QSOX2: variants seen among roughly 807,000 people sequenced by gnomAD.
The protein encoded by QSOX2 is sulfhydryl oxidase 2.
QSOX2 carries 46 observed loss-of-function variants against 61.7 expected under a neutral mutation model. The ratio of observed to expected loss-of-function variants is 0.75; its 90% CI spans 0.59 to 0.95. The LOEUF is 0.95. Ranked by LOEUF, QSOX2 falls within the 40% of genes least tolerant of loss-of-function variation. The pLI is 0.00. For missense variants in QSOX2, 879 were observed against 918.9 expected (o/e 0.96, Z 0.56); for synonymous variants, 383 against 388.4 (o/e 0.99, Z 0.16).
chr9:136,228,295 T>C (rs535726233), intron 1 of QSOX2, among the ~76,000 whole-genome samples: 1 of 152,240 alleles, frequency 6.6e-6, no homozygotes, highest in South Asian at 2.1e-4. Context: ...CTGGGACAAT[T>C]CTGTAAAGAG....
chr9:136,237,432 C>T (rs1308236352), intron 1 of QSOX2, among the ~76,000 whole-genome samples: 4 of 140,694 alleles, frequency 2.8e-5, no homozygotes, highest in Admixed American at 7.1e-5. Context: ...ACCTGGAGCC[C>T]GTCCTGTGCC....
intron 1 of QSOX2, among the ~76,000 whole-genome samples, chr9:136,234,089 T>C (rs903883814): frequency 5.9e-5 from 9 of 151,876 alleles, no homozygotes; most frequent in African/African-American, 2.2e-4. Flanking sequence ...GACAAAGGCC[T>C]TCACGAGGCT....
rs190318142 is a variant in QSOX2 at position 136,214,491 on chromosome 9, C to T, written c.1360+663G>A. On this transcript the variant is annotated intron_variant, in intron 10 of 11. Transcript: ENST00000358701. ...GCTTGCTGCCATGATGTGAGCCGCC[C>T]GATGGAGAGGCCCTGAGCGTGGCCT... 1.9e-3 allele frequency among the ~76,000 whole-genome samples: 287 copies of T among 152,344 alleles called. 3 individuals are homozygous for T. The highest frequency in any genetic ancestry group is 9.6e-3 in the East Asian group (50 of 5,182).
rs1431038170 is a variant in QSOX2, at chr9:136,222,490, C to T, written c.676-549G>A. Among the ~76,000 whole-genome samples, 1 of 152,232 alleles carries T rather than the reference C, an allele frequency of 6.6e-6. No homozygotes were observed. The highest frequency in any genetic ancestry group is 2.4e-5 in the African/African-American group (1 of 41,460). On this transcript the variant is annotated intron_variant, in intron 5 of 11. Coordinates refer to ENST00000358701, the MANE Select transcript of QSOX2 (RefSeq NM_181701.4). This position sits in a 1 kb window ranked among gnomAD's most constrained non-coding sequence, Gnocchi z 6.9. ...GTGCGCCACCACCACATCGGGCGTA[C>T]GTCTTTCCTTCTCTTAACAGAGGAA...
chr9:136,217,745 C>T (rs1030502287), intron 8 of QSOX2, among the ~76,000 whole-genome samples: 1 of 152,188 alleles, frequency 6.6e-6, no homozygotes, highest in Non-Finnish European at 1.5e-5. Flanking sequence ...TGGCCGGCGG[C>T]CACCACCACT....
At chr9:136,226,579 G>A (rs982503894) in intron 2 of QSOX2, among the ~76,000 whole-genome samples, 195 bp downstream of exon 2, 1 of 152,198 alleles carries the variant, frequency 6.6e-6, no homozygotes, top group Non-Finnish European at 1.5e-5. Flanking sequence ...CAGCACAACA[G>A]GGTGGAACAA....
chr9:136,212,312 G>A (rs1344732854), intron 10 of QSOX2, among the ~76,000 whole-genome samples: 1 of 152,192 alleles, frequency 6.6e-6, no homozygotes, highest in Non-Finnish European at 1.5e-5. Context: ...AGACCCATGA[G>A]ATTAAAACAG....
In QSOX2 at chr9:136,209,114, A is replaced by C. The variant is rs780792103; in HGVS notation, c.1711T>G (p.Tyr571Asp). 6.2e-7 allele frequency: 1 copy of C among 1,614,030 alleles called. No individual in the cohort carries two copies. Among genetic ancestry groups the C allele is most frequent in the Non-Finnish European group, 8.5e-7 (1 of 1,179,988 alleles). Reference sequence around the variant, plus strand: ...CTGGAATCCCCCTGGTCTGCGGAATACGTGTCTAAGAGGTTGTCGCGGCCA... The same window carrying C: ...CTGGAATCCCCCTGGTCTGCGGAATCCGTGTCTAAGAGGTTGTCGCGGCCA... ...HYGRDNLLDT[Y>D]SADQGDSSEG... Residue 571 changes from tyrosine to aspartate, a missense_variant, in exon 12 of 12, where the codon TAT becomes GAT. Transcript: ENST00000358701. This position sits in a 1 kb window ranked among gnomAD's most constrained non-coding sequence, Gnocchi z 5.6.
intron 8 of QSOX2, among the ~76,000 whole-genome samples, chr9:136,217,755 T>C (rs1448033150): frequency 6.6e-6 from 1 of 151,958 alleles, no homozygotes; most frequent in African/African-American, 2.4e-5. Flanking sequence ...CCACCACCAC[T>C]AAGAGCCACA....
Position 136,223,848 on chromosome 9 carries a change from C to T in QSOX2, c.590G>A (p.Ser197Asn). ...GTTGTCAAGAAGGGAAAGAACATCA[C>T]TGGGCCTTTCAAGAGGAAAAAAAGA... The part of the protein sequence containing the change: ...ACPRLDPIQP[S>N]DVLSLLDNRG... Residue 197 changes from serine (S) to asparagine (N), a missense_variant, in exon 5 of 12, where the codon AGT (serine) becomes AAT (asparagine). Ser to Asn is a conservative substitution (Grantham distance 46). Coordinates refer to ENST00000358701, the MANE Select transcript of QSOX2 (RefSeq NM_181701.4). The surrounding 1 kb of genome is among the most constrained non-coding windows in gnomAD (Gnocchi z 4.4). 2 of 1,614,058 alleles carry T rather than the reference C, an allele frequency of 1.2e-6. No homozygotes were observed. The highest frequency in any genetic ancestry group is 1.7e-6 in the Non-Finnish European group (2 of 1,180,000).
intron 1 of QSOX2, 59 bp downstream of exon 1, chr9:136,245,417 G>T: frequency 6.9e-7 from 1 of 1,444,552 alleles, no homozygotes; most frequent in South Asian, 1.2e-5. Flanking sequence ...GGTCGCAAGG[G>T]GTCCCGGAAG....
rs1461685250 is a variant in QSOX2, at chr9:136,209,305, A to C, written c.1550-30T>G. 6.3e-7 allele frequency: 1 copy of C among 1,599,324 alleles called. No individual in the cohort carries two copies. The highest frequency in any genetic ancestry group is 1.3e-5 in the African/African-American group (1 of 74,482). On this transcript the variant is annotated intron_variant, in intron 11 of 11. Coordinates refer to ENST00000358701, the MANE Select transcript of QSOX2 (RefSeq NM_181701.4). This position sits in a 1 kb window ranked among gnomAD's most constrained non-coding sequence, Gnocchi z 5.6. ...GAAGAAAAGGAAGCGGGAGAGCCAG[A>C]GGGAAGGAGGCTTTGTGCAGCCACG...
At chr9:136,225,474 AC>A (rs1375808442) in intron 2 of QSOX2, among the ~76,000 whole-genome samples, 89 of 152,336 alleles carry the variant, frequency 5.8e-4, no homozygotes, top group African/African-American at 2.0e-3. Context: ...AAGACACTTC[AC>A]CCATGACACC....
intron 1 of QSOX2, among the ~76,000 whole-genome samples, chr9:136,235,574 G>C (rs945677062): frequency 6.6e-6 from 1 of 152,232 alleles, no homozygotes; most frequent in Non-Finnish European, 1.5e-5. Context: ...CAACAGCCAC[G>C]GGCAGCCACT....
intron 10 of QSOX2, among the ~76,000 whole-genome samples, chr9:136,213,816 G>A (rs544983521): frequency 2.0e-5 from 3 of 152,320 alleles, no homozygotes; most frequent in South Asian, 4.1e-4. Flanking sequence ...GGGAAGCCAC[G>A]TTCAGGAGTA....
chr9:136,221,908 C>T lies in QSOX2; in HGVS notation c.709G>A (p.Val237Met), dbSNP rs377757090. 51 of 1,610,146 alleles carry T rather than the reference C, an allele frequency of 3.2e-5. No homozygotes were observed. The highest frequency in any genetic ancestry group is 4.0e-5 in the African/African-American group (3 of 74,820). Residue 237 changes from valine (V) to methionine (M), a missense_variant, in exon 6 of 12, where the codon GTG (valine) becomes ATG (methionine). Coordinates refer to ENST00000358701, the MANE Select transcript of QSOX2 (RefSeq NM_181701.4). This position sits in a 1 kb window ranked among gnomAD's most constrained non-coding sequence, Gnocchi z 4.5. Reference sequence around the variant, plus strand: ...TCCCCGTCCAGTGCTCGGGTCACCACGATGCTTTCATACGGGATCAGGTCT... The same window carrying T: ...TCCCCGTCCAGTGCTCGGGTCACCATGATGCTTTCATACGGGATCAGGTCT... ...ILDLIPYESI[V>M]VTRALDGDKA...
In QSOX2 at chr9:136,209,988, A is replaced by C; in HGVS notation, c.1550-713T>G. ...GACTTGCTGACACCTGGCCACCCTCACAGAGCTTCCAGAAGTGAATGTAAA... is the reference window on the plus strand; with the variant it reads ...GACTTGCTGACACCTGGCCACCCTCCCAGAGCTTCCAGAAGTGAATGTAAA... On this transcript the variant is annotated intron_variant, in intron 11 of 11. Coordinates refer to ENST00000358701, the MANE Select transcript of QSOX2 (RefSeq NM_181701.4). The surrounding 1 kb of genome is among the most constrained non-coding windows in gnomAD (Gnocchi z 5.6). The C allele has an allele frequency of 4.1e-6, 4 of 985,376 alleles. No homozygotes were observed. The highest frequency in any genetic ancestry group is 4.8e-6 in the Non-Finnish European group (4 of 829,908). 61.0% of individuals were successfully genotyped at this position (985,376 alleles called of 1,614,324 possible).
intron 11 of QSOX2, 32 bp downstream of exon 11, chr9:136,211,232 T>A: frequency 6.2e-7 from 1 of 1,608,656 alleles, no homozygotes; most frequent in Non-Finnish European, 8.5e-7. Context: ...CCTCCGCCCG[T>A]GCTGAGCCCC....
At chr9:136,214,191 T>G (rs537326498) in intron 10 of QSOX2, among the ~76,000 whole-genome samples, 1 of 152,308 alleles carries the variant, frequency 6.6e-6, no homozygotes, top group East Asian at 1.9e-4. Flanking sequence ...AATACATACT[T>G]TAGTGTTCTG....
Sources: gnomAD v4.1 joint callset for allele counts (sites outside exome capture counted in the v4.1 genomes callset) on GRCh38, gnomAD v4.1.1 for gene constraint, Gnocchi (gnomAD v3.1) non-coding constraint, MANE v1.5 for transcripts, NCBI Gene and HGNC (gene_info 2026-07-23, HGNC 2026-07-21) for gene names.